Variants in FAF1 observed in about 807,000 individuals in gnomAD.
The protein encoded by FAF1 is Fas associated factor 1.
Under a neutral mutation model 92.5 loss-of-function variants are expected in FAF1, and 25 were observed. The ratio of observed to expected loss-of-function variants is 0.27; its 90% CI spans 0.20 to 0.38. FAF1 has a LOEUF of 0.38. FAF1 is among the 10% of genes least tolerant of loss of function. The pLI is 1.00. For synonymous variants in FAF1, 234 were observed against 273.2 expected (o/e 0.86, Z 1.42); for missense variants, 636 against 793.3 (o/e 0.80, Z 2.38).
At chr1:50,707,886 T>C (rs1657752093) in intron 6 of FAF1, among the ~76,000 whole-genome samples, 2 of 152,158 alleles carry the variant, frequency 1.3e-5, no homozygotes, top group Non-Finnish European at 2.9e-5. Context: ...AGTTAAGACT[T>C]TGATTTTATT....
intron 2 of FAF1, chr1:50,846,343 C>T (rs1644299278): frequency 3.6e-6 from 1 of 280,774 alleles, no homozygotes; most frequent in South Asian, 3.2e-5. Flanking sequence ...GCAGCTGAAG[C>T]ATGCTTTTGC....
chr1:50,823,615 G>A (rs1041498499), intron 2 of FAF1, among the ~76,000 whole-genome samples: 9 of 151,180 alleles, frequency 6.0e-5, no homozygotes, highest in African/African-American at 2.2e-4. Context: ...AAAGAAAAGA[G>A]AAAACTACCT....
intron 4 of FAF1, chr1:50,780,684 C>T (rs554811224): frequency 2.8e-3 from 776 of 272,842 alleles, no homozygotes; most frequent in Non-Finnish European, 4.4e-3. Flanking sequence ...CTATGATGAG[C>T]ATGTGCTGCC....
At chr1:50,612,490 G>A (rs1652726181) in intron 8 of FAF1, 9 of 1,062,582 alleles carry the variant, frequency 8.5e-6, no homozygotes, top group Non-Finnish European at 1.0e-5. Flanking sequence ...TCTCAAGCCT[G>A]CTTTGTATGC....
intron 7 of FAF1, among the ~76,000 whole-genome samples, chr1:50,660,384 C>G (rs1367149187): frequency 1.3e-5 from 2 of 152,048 alleles, no homozygotes; most frequent in African/African-American, 4.8e-5. Context: ...TATTGAAAAA[C>G]TTTTAGGGAA....
At chr1:50,540,268 G>A (rs561932962) in intron 13 of FAF1, among the ~76,000 whole-genome samples, 6 of 152,124 alleles carry the variant, frequency 3.9e-5, no homozygotes, top group East Asian at 1.9e-4. Context: ...CACTGCACCC[G>A]GCAGGATTCT....
At chr1:50,778,771 G>A (rs577620363) in intron 4 of FAF1, among the ~76,000 whole-genome samples, 3 of 152,044 alleles carry the variant, frequency 2.0e-5, no homozygotes, top group African/African-American at 7.2e-5. Context: ...AGTAAACTAA[G>A]AGTGTGCCAC....
rs1034529837 is a variant in FAF1, at chr1:50,658,504, T to G, written c.658-2976A>C. On this transcript the variant is annotated intron_variant, in intron 7 of 18. Coordinates refer to ENST00000396153, the MANE Select transcript of FAF1 (RefSeq NM_007051.3). ...TTCATTAACTCATCTGTAACTGCAC[T>G]GAATTGAATAACATTCCTTTGCTAT... Among the ~76,000 whole-genome samples, 10 of 152,352 alleles carry G rather than the reference T, an allele frequency of 6.6e-5. No homozygotes were observed. The East Asian group carries it at 1.7e-3, about 26-fold the overall frequency.
At chr1:50,767,426 C>G (rs1397992251) in intron 4 of FAF1, among the ~76,000 whole-genome samples, 1 of 152,168 alleles carries the variant, frequency 6.6e-6, no homozygotes, top group Non-Finnish European at 1.5e-5. Context: ...CCCAGCCTCA[C>G]TAGACATGCC....
chr1:50,709,338 T>G (rs1192975631), intron 6 of FAF1, among the ~76,000 whole-genome samples: 1 of 152,206 alleles, frequency 6.6e-6, no homozygotes, highest in East Asian at 1.9e-4. Context: ...GTTTCATGTG[T>G]GGATACCCTG....
rs1225913167 is a variant in FAF1 at position 50,491,808 on chromosome 1, G to T, written c.1495-7C>A. 1 of 1,595,136 alleles carries T rather than the reference G, an allele frequency of 6.3e-7. No individual in the cohort carries two copies. Among genetic ancestry groups the T allele is most frequent in the South Asian group, 1.1e-5 (1 of 86,986 alleles). On this transcript the variant is annotated splice_polypyrimidine_tract_variant and splice_region_variant and intron_variant, in intron 15 of 18. Coordinates refer to ENST00000396153, the MANE Select transcript of FAF1 (RefSeq NM_007051.3). ...CTCTGGCTTCACGTTCATCCTTAAA[G>T]AAAAAGATTCAAATATTTTTTGACA...
chr1:50,787,071 A>G (rs1661389633), intron 4 of FAF1, among the ~76,000 whole-genome samples: 1 of 152,234 alleles, frequency 6.6e-6, no homozygotes, highest in Non-Finnish European at 1.5e-5. Flanking sequence ...GAGAAAATTA[A>G]TATGTGGTTC....
At position 50,495,619 on chromosome 1, in the gene FAF1, T is replaced by C. The variant is rs140316475; in HGVS notation, c.1495-3818A>G. Among the ~76,000 whole-genome samples the C allele has an allele frequency of 7.9e-4, 121 of 152,350 alleles. 3 individuals are homozygous for C. The East Asian group carries it at 0.022, about 28-fold the overall frequency. On this transcript the variant is annotated intron_variant, in intron 15 of 18. Coordinates refer to ENST00000396153, the MANE Select transcript of FAF1 (RefSeq NM_007051.3). ...ATACTGATTTCCCTCCTTTTGGGTA[T>C]ATACCCAGCAGTGGGATTGCTGGAT...
chr1:50,874,684 C>A (rs945028111), intron 1 of FAF1, among the ~76,000 whole-genome samples: 1 of 151,484 alleles, frequency 6.6e-6, no homozygotes, highest in African/African-American at 2.4e-5. Context: ...TTCAAACCCA[C>A]TTTCTAAAAA....
intron 1 of FAF1, among the ~76,000 whole-genome samples, chr1:50,864,167 T>C (rs950563336): frequency 6.6e-6 from 1 of 150,806 alleles, no homozygotes; most frequent in East Asian, 1.9e-4. Context: ...CCTGGATTCA[T>C]TAATTTTTTG....
rs74734499 is a variant in FAF1, at chr1:50,790,501, C to T, written c.162-2296G>A. On this transcript the variant is annotated intron_variant, in intron 3 of 18. Transcript: ENST00000396153. ...AGCTTAAGATTTTATACATAGGAGGCACTCAAATATTTGCCAAACTAACGA... is the reference window on the plus strand; with the variant it reads ...AGCTTAAGATTTTATACATAGGAGGTACTCAAATATTTGCCAAACTAACGA... Among the ~76,000 whole-genome samples the T allele has an allele frequency of 8.3e-3, 1,257 of 152,162 alleles. 17 individuals carry two copies. The highest frequency in any genetic ancestry group is 0.029 in the African/African-American group (1,213 of 41,500).
chr1:50,669,035 A>G (rs1449260665), intron 7 of FAF1, among the ~76,000 whole-genome samples: 1 of 152,224 alleles, frequency 6.6e-6, no homozygotes, highest in African/African-American at 2.4e-5. Context: ...GACTTCTGGT[A>G]TTAGTGCTAC....
intron 17 of FAF1, 104 bp from the exon 18 acceptor site, chr1:50,475,783 T>A: frequency 2.9e-6 from 2 of 692,298 alleles, no homozygotes; most frequent in Non-Finnish European, 4.7e-6. Flanking sequence ...AGAAATTCAT[T>A]GAAAAGTCAC....
chr1:50,777,378 A>AT (rs1661000540), intron 4 of FAF1, among the ~76,000 whole-genome samples: 1 of 152,154 alleles, frequency 6.6e-6, no homozygotes, highest in African/African-American at 2.4e-5. Flanking sequence ...AGCTATGGTC[A>AT]TATCACTGCA....
Sources: allele counts gnomAD v4.1 joint callset (sites outside exome capture counted in the v4.1 genomes callset), GRCh38; gene constraint gnomAD v4.1.1; transcripts MANE v1.5; gene names NCBI Gene and HGNC (gene_info 2026-07-23, HGNC 2026-07-21).